ILDR2: variants seen among roughly 807,000 people sequenced by gnomAD.
The protein encoded by ILDR2 is immunoglobulin like domain containing receptor 2, also known as immunoglobulin-like domain-containing receptor 2.
ILDR2 carries 25 observed loss-of-function variants against 66.8 expected under a neutral mutation model. The ratio of observed to expected loss-of-function variants is 0.37; its 90% CI spans 0.27 to 0.52. The LOEUF is 0.52. Ranked by LOEUF, ILDR2 falls within the 20% of genes least tolerant of loss-of-function variation. The probability of loss-of-function intolerance (pLI) is 0.88; values close to 1 mark genes in which losing one functional copy is unlikely to be tolerated. For synonymous variants in ILDR2, 367 were observed against 357.2 expected, an observed-to-expected ratio of 1.03 and a Z score of -0.31; for missense variants, 827 against 876.8, an observed-to-expected ratio of 0.94 and a Z score of 0.72.
chr1:166,960,983 C>T (rs1662578200), intron 1 of ILDR2, among the ~76,000 whole-genome samples: 2 of 152,162 alleles, frequency 1.3e-5, no homozygotes, highest in African/African-American at 4.8e-5. Flanking sequence ...GTGGTTGAGG[C>T]TGGATAACCA....
chr1:166,926,814 C>A (rs1039540216), intron 7 of ILDR2, among the ~76,000 whole-genome samples: 13 of 151,838 alleles, frequency 8.6e-5, no homozygotes, highest in Non-Finnish European at 1.2e-4. Flanking sequence ...AACACAGCCC[C>A]AGAAATACTG....
At chr1:166,947,715 G>A (rs1480828320) in intron 3 of ILDR2, among the ~76,000 whole-genome samples, 1 of 152,094 alleles carries the variant, frequency 6.6e-6, no homozygotes, top group East Asian at 1.9e-4. Flanking sequence ...ACAATGCAGC[G>A]CGCGGCTGAC....
intron 4 of ILDR2, among the ~76,000 whole-genome samples, chr1:166,939,189 T>C (rs373059174): frequency 6.6e-6 from 1 of 152,176 alleles, no homozygotes; most frequent in African/African-American, 2.4e-5. Flanking sequence ...TAAATACTGA[T>C]TCTATTAAAA....
At chr1:166,898,908 A>C (rs1659215114) in intron 2 of ILDR2, among the ~76,000 whole-genome samples, 1 of 151,596 alleles carries the variant, frequency 6.6e-6, no homozygotes, top group Non-Finnish European at 1.5e-5. Context: ...AAAAAAAAAG[A>C]AATTAGCCGG....
intron 8 of ILDR2, 111 bp downstream of exon 8, chr1:166,922,482 G>A: frequency 1.3e-6 from 1 of 790,594 alleles, no homozygotes; most frequent in Non-Finnish European, 2.2e-6. Context: ...AGGATAACCT[G>A]GAATGGGAGA....
downstream of ILDR2, chr1:166,907,088 C>G (rs1212436872): frequency 6.6e-6 from 1 of 152,170 alleles, no homozygotes; most frequent in East Asian, 1.9e-4. Context: ...TCAATTTTTT[C>G]TTTCTGATAC....
intron 3 of ILDR2, among the ~76,000 whole-genome samples, chr1:166,950,606 C>T (rs1661918846): frequency 6.6e-6 from 1 of 152,050 alleles, no homozygotes; most frequent in South Asian, 2.1e-4. Flanking sequence ...CTGAGACGTC[C>T]CCTCCCAAGA....
chr1:166,935,621 C>A, intron 5 of ILDR2, 144 bp from the exon 6 acceptor site: 1 of 702,580 alleles, frequency 1.4e-6, no homozygotes, highest in Non-Finnish European at 2.3e-6. Flanking sequence ...TAAAACTGAA[C>A]TGATTCATCA....
rs1659960544 is a variant in ILDR2, at chr1:166,921,783, CAG to C, written c.1212-406_1212-405del. Among the ~76,000 whole-genome samples the C allele has an allele frequency of 6.6e-6, 1 of 152,174 alleles. No individual in the cohort carries two copies. Among genetic ancestry groups the C allele is most frequent in the Non-Finnish European group, 1.5e-5 (1 of 68,028 alleles). On this transcript the variant is annotated intron_variant, in intron 8 of 9. Transcript: ENST00000271417. The surrounding 1 kb of genome is among the most constrained non-coding windows in gnomAD (Gnocchi z 5.3). Reference sequence around the variant, plus strand: ...AGTCCCTGTAATGTGTGGTGACACACAGAGAGGCCTTTTCTTCCCTCAGAGCC... The same window carrying C: ...AGTCCCTGTAATGTGTGGTGACACACAGAGGCCTTTTCTTCCCTCAGAGCC...
chr1:166,922,744 G>A lies in ILDR2; in HGVS notation c.1060C>T (p.His354Tyr). The A allele has an allele frequency of 6.2e-7, 1 of 1,614,202 alleles. No homozygotes were observed. Among genetic ancestry groups the A allele is most frequent in the Non-Finnish European group, 8.5e-7 (1 of 1,180,034 alleles). The change falls in exon 8 of 10, where the codon CAT (histidine) becomes TAT (tyrosine). Residue 354 changes from histidine (H) to tyrosine (Y), a missense_variant. His to Tyr is a moderately conservative substitution (Grantham distance 83, BLOSUM62 2). Coordinates refer to ENST00000271417, the MANE Select transcript of ILDR2 (RefSeq NM_199351.3). ...GGGAACTGCTTGCTTCTCATCTGAT[G>A]GAAAGACTGGCGGAAATTGCTGTCC... ...EEDSNFRQSF[H>Y]QMRSKQFPVS...
intron 1 of ILDR2, among the ~76,000 whole-genome samples, chr1:166,966,585 G>A (rs1006750894): frequency 5.3e-5 from 8 of 152,280 alleles, no homozygotes; most frequent in African/African-American, 1.7e-4. Flanking sequence ...TTTTCTCTGT[G>A]TCCAAGTGTG....
intron 3 of ILDR2, among the ~76,000 whole-genome samples, chr1:166,950,359 G>A (rs751736826): frequency 2.0e-5 from 3 of 152,118 alleles, no homozygotes; most frequent in Non-Finnish European, 4.4e-5. Flanking sequence ...CCTTTTAATC[G>A]TCAAATCTCC....
intron 1 of ILDR2, among the ~76,000 whole-genome samples, chr1:166,969,568 C>T (rs1428820423): frequency 1.3e-5 from 2 of 152,204 alleles, no homozygotes; most frequent in African/African-American, 4.8e-5. Flanking sequence ...TCTGTTCTCA[C>T]GTGCTTTGCT....
At chr1:166,944,653 G>GCCC (rs1661511106) in intron 3 of ILDR2, among the ~76,000 whole-genome samples, 1 of 152,108 alleles carries the variant, frequency 6.6e-6, no homozygotes, top group South Asian at 2.1e-4. Flanking sequence ...TGGTAGGTTA[G>GCCC]CCCCCTCAAA....
intron 2 of ILDR2, among the ~76,000 whole-genome samples, chr1:166,899,401 A>T (rs943312796): frequency 7.2e-5 from 11 of 152,016 alleles, no homozygotes; most frequent in Non-Finnish European, 1.3e-4. Flanking sequence ...TCAAAAAAAA[A>T]AAAAAGAAAA....
chr1:166,897,075 A>T (rs975554960), intron 2 of ILDR2, among the ~76,000 whole-genome samples: 1 of 152,232 alleles, frequency 6.6e-6, no homozygotes, highest in South Asian at 2.1e-4. Context: ...GAATATGATC[A>T]TGTTGGGGCT....
Position 166,975,375 on chromosome 1 carries a change from A to ACCGGGCGTCCCTGGGCGCAGCGCCCG in ILDR2, c.-133_-108dup, listed in dbSNP as rs1487529940. On this transcript the variant is annotated 5_prime_UTR_variant, in exon 1 of 10. The change abolishes the stop of an existing upstream ORF in the 5' untranslated region. Transcript: ENST00000271417. ...AGCGGGCGGCGGCGGAGCGGCGGGCACCGGGCGTCCCTGGGCGCAGCGCCC... is the reference window on the plus strand; with the variant it reads ...AGCGGGCGGCGGCGGAGCGGCGGGCACCGGGCGTCCCTGGGCGCAGCGCCCGCCGGGCGTCCCTGGGCGCAGCGCCC... The ACCGGGCGTCCCTGGGCGCAGCGCCCG allele has an allele frequency of 1.2e-6, 1 of 846,156 alleles. No homozygotes were observed. Among genetic ancestry groups the ACCGGGCGTCCCTGGGCGCAGCGCCCG allele is most frequent in the African/African-American group, 1.8e-5 (1 of 55,188 alleles). 52.4% of individuals were successfully genotyped at this position (846,156 alleles called of 1,614,324 possible).
chr1:166,955,274 A>C (rs1269162122), intron 3 of ILDR2, among the ~76,000 whole-genome samples: 1 of 152,180 alleles, frequency 6.6e-6, no homozygotes, highest in Admixed American at 6.5e-5. Flanking sequence ...CAACCTTCTA[A>C]TAAGGCAGAC....
rs1269997907 is a variant in ILDR2 at position 166,909,750 on chromosome 1, T to TATATATATAA, written c.*9595_*9604dup. 1.6e-4 allele frequency: 17 copies of TATATATATAA among 108,006 alleles called. No homozygotes were observed. Among genetic ancestry groups the TATATATATAA allele is most frequent in the Non-Finnish European group, 2.4e-4 (14 of 57,422 alleles). 6.7% of individuals were successfully genotyped at this position (108,006 alleles called of 1,614,324 possible). The stretch of plus-strand genomic sequence containing the variant: ...GTGTATACATACATATATATATATA[T>TATATATATAA]ATATATATAAATATATATAAATATA... On this transcript the variant is annotated 3_prime_UTR_variant, in exon 10 of 10. Transcript: ENST00000271417.
Sources: allele counts gnomAD v4.1 joint callset (sites outside exome capture counted in the v4.1 genomes callset), GRCh38; gene constraint gnomAD v4.1.1; non-coding constraint Gnocchi (gnomAD v3.1); transcripts MANE v1.5; gene names NCBI Gene and HGNC (gene_info 2026-07-23, HGNC 2026-07-21).